The following WWOX variants were observed in gnomAD, a reference collection of about 807,000 sequenced individuals.
The protein encoded by WWOX is WW domain containing oxidoreductase.
Under a neutral mutation model 46.2 loss-of-function variants are expected in WWOX, and 69 were observed. The ratio of observed to expected loss-of-function variants is 1.49; its 90% CI spans 1.23 to 1.82. The LOEUF is 1.82. Ranked by LOEUF, WWOX falls within the 40% of genes most tolerant of loss-of-function variation. WWOX has a pLI of 0.00. For synonymous variants in WWOX, 359 were observed against 202.6 expected (o/e 1.77, Z -6.56); for missense variants, 919 against 542.6 (o/e 1.69, Z -6.89).
At chr16:78,517,695 G>T (rs1467464169) in intron 8 of WWOX, among the ~76,000 whole-genome samples, 4 of 152,042 alleles carry the variant, frequency 2.6e-5, no homozygotes, top group Non-Finnish European at 5.9e-5. Context: ...GATGGAAAGG[G>T]CATGCGTTGA....
intron 8 of WWOX, among the ~76,000 whole-genome samples, chr16:78,833,597 G>A (rs905218388): frequency 5.3e-5 from 8 of 152,118 alleles, no homozygotes; most frequent in South Asian, 2.1e-4. Context: ...ATAGTCTTTC[G>A]CTTGTTAATT....
At chr16:78,752,922 A>G (rs760218107) in intron 8 of WWOX, among the ~76,000 whole-genome samples, 1 of 152,132 alleles carries the variant, frequency 6.6e-6, no homozygotes, top group African/African-American at 2.4e-5. Flanking sequence ...GCAACGGCAC[A>G]CTCCAGCTTA....
At chr16:78,387,482 C>G (rs78242137) in intron 6 of WWOX, among the ~76,000 whole-genome samples, 1 of 151,840 alleles carries the variant, frequency 6.6e-6, no homozygotes, top group African/African-American at 2.4e-5. Flanking sequence ...TTCAAAATTC[C>G]AGTTGGAGAA....
At chr16:78,983,499 A>C (rs941801143) in intron 8 of WWOX, among the ~76,000 whole-genome samples, 1 of 152,206 alleles carries the variant, frequency 6.6e-6, no homozygotes, top group African/African-American at 2.4e-5. Context: ...CTATGAAAAG[A>C]GAGGAAGGGG....
chr16:78,379,458 G>T (rs1255944729), intron 5 of WWOX, among the ~76,000 whole-genome samples: 1 of 152,116 alleles, frequency 6.6e-6, no homozygotes, highest in East Asian at 1.9e-4. Context: ...TCCACCTCCA[G>T]CCACTGTACC....
chr16:78,772,799 G>T (rs764001590), intron 8 of WWOX, among the ~76,000 whole-genome samples: 1 of 152,114 alleles, frequency 6.6e-6, no homozygotes, highest in African/African-American at 2.4e-5. Context: ...CAGGAGGATT[G>T]CTTGAGCTCA....
chr16:78,954,239 T>C (rs2046120617), intron 8 of WWOX, among the ~76,000 whole-genome samples: 3 of 152,002 alleles, frequency 2.0e-5, no homozygotes, highest in African/African-American at 4.8e-5. Context: ...GTTGGATGAT[T>C]GGATGGATGA....
intron 8 of WWOX, among the ~76,000 whole-genome samples, chr16:79,041,822 A>C (rs1217260223): frequency 2.0e-5 from 3 of 152,134 alleles, no homozygotes; most frequent in Admixed American, 2.0e-4. Context: ...AAATTCAGAC[A>C]AACCTAGAAG....
At chr16:78,225,966 T>C (rs1054867445) in intron 5 of WWOX, among the ~76,000 whole-genome samples, 1 of 152,246 alleles carries the variant, frequency 6.6e-6, no homozygotes, top group Non-Finnish European at 1.5e-5. Context: ...CTAGTACTAA[T>C]TGTATTTTTA....
chr16:78,360,634 CT>C (rs1597097937), intron 5 of WWOX, among the ~76,000 whole-genome samples: 1 of 44,792 alleles, frequency 2.2e-5, no homozygotes, highest in East Asian at 2.2e-4. Context: ...AGTACCTCTA[CT>C]TTCTTGTAAT....
At chr16:78,527,710 A>G (rs527633558) in intron 8 of WWOX, among the ~76,000 whole-genome samples, 1 of 55,686 alleles carries the variant, frequency 1.8e-5, no homozygotes, top group Non-Finnish European at 4.8e-5. Context: ...TTTAATCTTT[A>G]TGGTAGCCTC....
At chr16:78,918,767 G>A (rs1023895148) in intron 8 of WWOX, among the ~76,000 whole-genome samples, 17 of 152,096 alleles carry the variant, frequency 1.1e-4, no homozygotes, top group African/African-American at 3.6e-4. Context: ...ATTAATGCTC[G>A]GAGGAGTCAA....
intron 8 of WWOX, among the ~76,000 whole-genome samples, chr16:79,174,151 G>A (rs2150773703): frequency 6.6e-6 from 1 of 152,286 alleles, no homozygotes; most frequent in South Asian, 2.1e-4. Context: ...GGTTAGTGAC[G>A]ATACCGGGAC....
chr16:78,360,863 C>T (rs1277159945), intron 5 of WWOX, among the ~76,000 whole-genome samples: 3 of 151,562 alleles, frequency 2.0e-5, no homozygotes, highest in African/African-American at 4.9e-5. Context: ...CTCTGTCACC[C>T]AGGCTGGAGC....
chr16:78,379,361 A>G (rs971627716), intron 5 of WWOX, among the ~76,000 whole-genome samples: 3 of 152,170 alleles, frequency 2.0e-5, no homozygotes, highest in Non-Finnish European at 2.9e-5. Context: ...GCAGTTGCAC[A>G]TGAGTAGTCC....
At chr16:78,715,746 GGAT>G (rs2142336881) in intron 8 of WWOX, among the ~76,000 whole-genome samples, 1 of 152,202 alleles carries the variant, frequency 6.6e-6, no homozygotes, top group East Asian at 1.9e-4. Context: ...CCAAATTCTG[GGAT>G]TACAGGCATG....
chr16:78,410,118 G>A (rs1457948215), intron 6 of WWOX, among the ~76,000 whole-genome samples: 1 of 152,120 alleles, frequency 6.6e-6, no homozygotes, highest in Non-Finnish European at 1.5e-5. Flanking sequence ...TCCTTCCTCT[G>A]TTGCTCTTGC....
chr16:78,459,757 G>T (rs2083907118), intron 8 of WWOX, among the ~76,000 whole-genome samples: 3 of 152,150 alleles, frequency 2.0e-5, no homozygotes, highest in Admixed American at 6.5e-5. Context: ...CAGCCTGAAG[G>T]CCTACTTGAT....
At chr16:78,864,366 C>G (rs934372869) in intron 8 of WWOX, among the ~76,000 whole-genome samples, 1 of 151,592 alleles carries the variant, frequency 6.6e-6, no homozygotes, top group African/African-American at 2.4e-5. Flanking sequence ...TCCTGGGGCT[C>G]AAGCCATCCT....
Sources: gnomAD v4.1 joint callset for allele counts (sites outside exome capture counted in the v4.1 genomes callset) on GRCh38, gnomAD v4.1.1 for gene constraint, MANE v1.5 for transcripts, NCBI Gene and HGNC (gene_info 2026-07-23, HGNC 2026-07-21) for gene names.